Variants in TSPAN8 observed in about 807,000 individuals in gnomAD.
TSPAN8 encodes tetraspanin 8.
In TSPAN8, 21 loss-of-function variants were observed where a neutral mutation model predicts 32.8. That is an observed-to-expected ratio of 0.64 (90% CI 0.45 to 0.92). The LOEUF is 0.92. Ranked by LOEUF, TSPAN8 falls within the 40% of genes least tolerant of loss-of-function variation. The probability of loss-of-function intolerance (pLI) is 0.00; values close to 1 mark genes in which losing one functional copy is unlikely to be tolerated. For missense variants in TSPAN8, 269 were observed against 281.9 expected, an observed-to-expected ratio of 0.95 and a Z score of 0.33; for synonymous variants, 95 against 94.6, an observed-to-expected ratio of 1.00 and a Z score of -0.03.
intron 7 of TSPAN8, among the ~76,000 whole-genome samples, chr12:71,131,513 A>G (rs2137047066): frequency 6.6e-6 from 1 of 151,984 alleles, no homozygotes; most frequent in East Asian, 2.0e-4. Context: ...TTACTAAACC[A>G]AAACATTTCT....
At chr12:71,136,936 T>C (rs1871716106) in intron 6 of TSPAN8, among the ~76,000 whole-genome samples, 1 of 152,178 alleles carries the variant, frequency 6.6e-6, no homozygotes, top group Admixed American at 6.5e-5. Context: ...ATGTTAGCTA[T>C]TACCATTTTT....
chr12:71,126,422 T>C lies in TSPAN8; in HGVS notation c.661-1035A>G, dbSNP rs1364876418. ...AAGTATCAAGAAAGAATTTTTTTAATGGGGAAAAAATAATGGGATAAGACA... is the reference window on the plus strand; with the variant it reads ...AAGTATCAAGAAAGAATTTTTTTAACGGGGAAAAAATAATGGGATAAGACA... On this transcript the variant is annotated intron_variant, in intron 8 of 8. Transcript: ENST00000247829. 3.3e-5 allele frequency among the ~76,000 whole-genome samples: 5 copies of C among 152,108 alleles called. No individual in the cohort carries two copies. In the East Asian group the frequency reaches 9.6e-4, roughly 29 times the overall value.
At chr12:71,152,866 C>T (rs1028510444) in intron 2 of TSPAN8, among the ~76,000 whole-genome samples, 6 of 152,202 alleles carry the variant, frequency 3.9e-5, no homozygotes, top group Non-Finnish European at 5.9e-5. Flanking sequence ...TTTAATTGCT[C>T]TCAGCACATC....
At chr12:71,126,866 G>T (rs77999147) in intron 8 of TSPAN8, among the ~76,000 whole-genome samples, 1,764 of 151,944 alleles carry the variant, frequency 0.012, 25 homozygotes, top group African/African-American at 0.041. Flanking sequence ...TTTTAAGCTA[G>T]AGTAATGAGA....
intron 4 of TSPAN8, chr12:71,139,114 T>A (rs1871808973): frequency 2.2e-6 from 1 of 456,152 alleles, no homozygotes; most frequent in African/African-American, 2.0e-5. Flanking sequence ...TTTTTTAGCA[T>A]GGCATGTAGA....
chr12:71,131,104 A>G (rs992555704), intron 7 of TSPAN8, among the ~76,000 whole-genome samples: 1 of 152,226 alleles, frequency 6.6e-6, no homozygotes, highest in Non-Finnish European at 1.5e-5. Flanking sequence ...GGAGACAAAT[A>G]GCAATCTGCA....
rs138030104 is a variant in TSPAN8, at chr12:71,142,091, A to G, written c.123+2060T>C. 1.4e-4 allele frequency among the ~76,000 whole-genome samples: 22 copies of G among 152,240 alleles called. No individual in the cohort carries two copies. The East Asian group carries it at 4.2e-3, about 29-fold the overall frequency. On this transcript the variant is annotated intron_variant, in intron 3 of 8. Coordinates refer to ENST00000247829, the MANE Select transcript of TSPAN8 (RefSeq NM_004616.3). ...CCAAAACAGCTACCTCTGTTTTTTC[A>G]CTAACAAAAAATTCAGCTCTTTGCT... is the stretch of plus-strand genomic sequence containing the variant.
At chr12:71,132,970 G>T in intron 6 of TSPAN8, 146 bp from the exon 7 acceptor site, 3 of 1,001,932 alleles carry the variant, frequency 3.0e-6, no homozygotes, top group Non-Finnish European at 4.3e-6. Context: ...TCTCTGTGTA[G>T]AAGTAAAAAT....
rs1361979359 is a variant in TSPAN8 at position 71,156,273 on chromosome 12, C to CAAAAA, written c.60+1341_60+1345dup. The stretch of plus-strand genomic sequence containing the variant: ...TCCAAAAAAAAAAAAAAAAAACAAA[C>CAAAAA]AAAAAAAAAACTAGAAACAAAACAA... On this transcript the variant is annotated intron_variant, in intron 2 of 8. Coordinates refer to ENST00000247829, the MANE Select transcript of TSPAN8 (RefSeq NM_004616.3). 1.0e-3 allele frequency among the ~76,000 whole-genome samples: 38 copies of CAAAAA among 36,592 alleles called. 1 individual carries two copies. The highest frequency in any genetic ancestry group is 3.2e-3 in the African/African-American group (37 of 11,404). The allele number at this position is 36,592 out of a possible 152,430, so 24.0% of individuals were successfully genotyped here.
chr12:71,133,524 A>G (rs1871586123), intron 6 of TSPAN8, among the ~76,000 whole-genome samples: 1 of 152,138 alleles, frequency 6.6e-6, no homozygotes, highest in African/African-American at 2.4e-5. Context: ...TGAAATTTCC[A>G]CTCCATGATC....
At chr12:71,139,945 G>T in intron 3 of TSPAN8, 97 bp from the exon 4 acceptor site, 1 of 1,151,124 alleles carries the variant, frequency 8.7e-7, no homozygotes, top group Non-Finnish European at 1.2e-6. Flanking sequence ...TATGTGTCAA[G>T]TCCTGTGCCA....
intron 7 of TSPAN8, among the ~76,000 whole-genome samples, chr12:71,131,723 T>C: frequency 6.6e-6 from 1 of 151,152 alleles, no homozygotes. Flanking sequence ...TAATATCAAT[T>C]GTAATTTTTG....
chr12:71,141,029 C>T (rs1459534009), intron 3 of TSPAN8, among the ~76,000 whole-genome samples: 1 of 152,178 alleles, frequency 6.6e-6, no homozygotes, highest in Non-Finnish European at 1.5e-5. Flanking sequence ...TTTTATTCAA[C>T]AGTCAATAGG....
chr12:71,131,622 T>C (rs1440538660), intron 7 of TSPAN8, among the ~76,000 whole-genome samples: 1 of 150,500 alleles, frequency 6.6e-6, no homozygotes, highest in African/African-American at 2.4e-5. Context: ...GATTGTAATC[T>C]CCTAGAGGAT....
In TSPAN8 at chr12:71,137,936, C is replaced by A. The variant is rs1871756348; in HGVS notation, c.444+17G>T. The stretch of plus-strand genomic sequence containing the variant: ...ACTATGTCCAACTCTTTAAAATGAA[C>A]AATGAATTCTAATTACCTCTTCTTG... On this transcript the variant is annotated intron_variant, in intron 6 of 8. Coordinates refer to ENST00000247829, the MANE Select transcript of TSPAN8 (RefSeq NM_004616.3). The A allele has an allele frequency of 6.2e-7, 1 of 1,600,378 alleles. No individual in the cohort carries two copies. Among genetic ancestry groups the A allele is most frequent in the Non-Finnish European group, 8.5e-7 (1 of 1,172,284 alleles).
rs903321241 is a variant in TSPAN8, at chr12:71,136,331, A to G, written c.444+1622T>C. ...AACATACTAATCATCAGACTTGCATATAAGCAGGATGGGCAAAAATTAGTA... is the reference window on the plus strand; with the variant it reads ...AACATACTAATCATCAGACTTGCATGTAAGCAGGATGGGCAAAAATTAGTA... On this transcript the variant is annotated intron_variant, in intron 6 of 8. Coordinates refer to ENST00000247829, the MANE Select transcript of TSPAN8 (RefSeq NM_004616.3). 2.6e-5 allele frequency among the ~76,000 whole-genome samples: 4 copies of G among 152,244 alleles called. No homozygotes were observed. In the East Asian group the frequency reaches 5.8e-4, roughly 22 times the overall value.
chr12:71,156,250 C>CAAAAAAAAAAAAAAA (rs763217771), intron 2 of TSPAN8, among the ~76,000 whole-genome samples: 32 of 24,324 alleles, frequency 1.3e-3, no homozygotes, highest in African/African-American at 4.0e-3. Flanking sequence ...CAAAGTTCTC[C>CAAAAAAAAAAAAAAA]AAAAAAAAAA....
At chr12:71,151,511 T>C (rs1039622128) in intron 2 of TSPAN8, among the ~76,000 whole-genome samples, 47 of 152,346 alleles carry the variant, frequency 3.1e-4, no homozygotes, top group African/African-American at 8.9e-4. Flanking sequence ...ATTCAAAACA[T>C]GTAGAGAGAG....
chr12:71,150,591 C>G (rs1369814183), intron 2 of TSPAN8, among the ~76,000 whole-genome samples: 1 of 152,184 alleles, frequency 6.6e-6, no homozygotes, highest in Non-Finnish European at 1.5e-5. Flanking sequence ...CCAGCTGACA[C>G]TTATGGAAAA....
Sources: allele counts gnomAD v4.1 joint callset (sites outside exome capture counted in the v4.1 genomes callset), GRCh38; gene constraint gnomAD v4.1.1; transcripts MANE v1.5; gene names NCBI Gene and HGNC (gene_info 2026-07-23, HGNC 2026-07-21).